The following KHDRBS2 variants were observed in gnomAD, a reference collection of about 807,000 sequenced individuals.
The protein encoded by KHDRBS2 is KH RNA binding domain containing, signal transduction associated 2.
Under a neutral mutation model 44.3 loss-of-function variants are expected in KHDRBS2, and 26 were observed. That is an observed-to-expected ratio of 0.59 (90% CI 0.43 to 0.81). The LOEUF is 0.81. Among genes scored for constraint, KHDRBS2 ranks in the 40% least tolerant of loss-of-function variants. The pLI is 0.00. For synonymous variants in KHDRBS2, 194 were observed against 151.1 expected, an observed-to-expected ratio of 1.28 and a Z score of -2.08; for missense variants, 476 against 433.1, an observed-to-expected ratio of 1.10 and a Z score of -0.88.
At chr6:62,164,209 C>A (rs1047636350) in intron 2 of KHDRBS2, among the ~76,000 whole-genome samples, 3 of 151,708 alleles carry the variant, frequency 2.0e-5, no homozygotes, top group Non-Finnish European at 1.5e-5. Context: ...TGTAAACTTA[C>A]TAATGTTATT....
intron 2 of KHDRBS2, among the ~76,000 whole-genome samples, chr6:62,111,259 A>G (rs565909980): frequency 6.6e-6 from 1 of 152,272 alleles, no homozygotes; most frequent in South Asian, 2.1e-4. Flanking sequence ...TTAGACACAG[A>G]TAACAATATT....
chr6:61,753,147 CTCTT>C (rs1383206532), intron 6 of KHDRBS2, among the ~76,000 whole-genome samples: 2 of 152,064 alleles, frequency 1.3e-5, no homozygotes, highest in Admixed American at 1.3e-4. Context: ...ATTCGTGTTG[CTCTT>C]TCTTTCTCTC....
the KHDRBS2 span, among the ~76,000 whole-genome samples, chr6:61,573,340 C>G: frequency 1.3e-5 from 2 of 152,164 alleles, no homozygotes; most frequent in Non-Finnish European, 2.9e-5. Context: ...AATGGAAACA[C>G]ATTCCATGCT....
chr6:62,220,400 C>T (rs952042849), intron 1 of KHDRBS2, among the ~76,000 whole-genome samples: 1 of 151,682 alleles, frequency 6.6e-6, no homozygotes, highest in Non-Finnish European at 1.5e-5. Context: ...AAAACAGTAA[C>T]AATATTTTGG....
intron 6 of KHDRBS2, among the ~76,000 whole-genome samples, chr6:61,803,724 A>G (rs1786661327): frequency 6.6e-6 from 1 of 152,158 alleles, no homozygotes; most frequent in Admixed American, 6.6e-5. Context: ...TGGAGGCCTC[A>G]GGAAACTTAC....
intron 4 of KHDRBS2, among the ~76,000 whole-genome samples, chr6:61,966,015 T>C (rs1185733586): frequency 6.6e-6 from 1 of 152,050 alleles, no homozygotes; most frequent in African/African-American, 2.4e-5. Context: ...CTATTATTCA[T>C]AGTGTACCTC....
At chr6:62,053,677 T>C (rs1667530937) in intron 2 of KHDRBS2, among the ~76,000 whole-genome samples, 1 of 151,902 alleles carries the variant, frequency 6.6e-6, no homozygotes, top group Non-Finnish European at 1.5e-5. Context: ...ATTTACTGAT[T>C]TAAAAAATCT....
chr6:62,275,718 TC>T lies in KHDRBS2; in HGVS notation c.91+10139del, dbSNP rs1291945052. On this transcript the variant is annotated intron_variant, in intron 1 of 8. Transcript: ENST00000281156. ...TGCTATTCCCTTAAACAAGTTATGT[TC>T]TTTAATATTGTTTGATGTTTCAATG... is the stretch of plus-strand genomic sequence containing the variant. Among the ~76,000 whole-genome samples, 11 of 152,338 alleles carry T rather than the reference TC, an allele frequency of 7.2e-5. No individual in the cohort carries two copies. The East Asian group carries it at 2.1e-3, about 29-fold the overall frequency.
chr6:61,777,200 A>T (rs967857099), intron 6 of KHDRBS2, among the ~76,000 whole-genome samples: 3 of 152,100 alleles, frequency 2.0e-5, no homozygotes, highest in African/African-American at 7.2e-5. Context: ...ATGATGAGTT[A>T]ATGGGTGCAG....
chr6:62,039,538 T>C (rs1225424674), intron 3 of KHDRBS2, among the ~76,000 whole-genome samples: 2 of 151,996 alleles, frequency 1.3e-5, no homozygotes, highest in African/African-American at 4.8e-5. Flanking sequence ...ACAATCTGGT[T>C]AAAATAAATA....
intron 2 of KHDRBS2, among the ~76,000 whole-genome samples, chr6:62,131,292 G>T (rs963340566): frequency 2.6e-5 from 4 of 152,174 alleles, no homozygotes; most frequent in Non-Finnish European, 5.9e-5. Context: ...GTTAAGTGAA[G>T]AAATATTTCC....
intron 2 of KHDRBS2, among the ~76,000 whole-genome samples, chr6:62,091,647 C>T (rs979196280): frequency 1.3e-5 from 2 of 151,996 alleles, no homozygotes; most frequent in South Asian, 2.1e-4. Context: ...TGAAAAGATA[C>T]CACTTTTTCA....
chr6:61,697,473 A>C (rs764470011), intron 7 of KHDRBS2, among the ~76,000 whole-genome samples: 1 of 152,044 alleles, frequency 6.6e-6, no homozygotes, highest in African/African-American at 2.4e-5. Context: ...CTTTCTCTCT[A>C]TCCACCAATT....
At chr6:62,002,569 T>C (rs1778455863) in intron 3 of KHDRBS2, among the ~76,000 whole-genome samples, 1 of 151,304 alleles carries the variant, frequency 6.6e-6, no homozygotes, top group African/African-American at 2.4e-5. Flanking sequence ...ACTATATTAC[T>C]CTTTTTAAAA....
chr6:62,221,029 A>AC (rs1004972950), intron 1 of KHDRBS2, among the ~76,000 whole-genome samples: 2 of 151,908 alleles, frequency 1.3e-5, no homozygotes, highest in African/African-American at 4.8e-5. Flanking sequence ...TGTTCATTGC[A>AC]CATTATTCAC....
At chr6:62,093,856 T>TTGTGTGTGTGTGTG (rs61194705) in intron 2 of KHDRBS2, among the ~76,000 whole-genome samples, 127 of 143,306 alleles carry the variant, frequency 8.9e-4, no homozygotes, top group Admixed American at 1.6e-3. Context: ...TTCCATTGTT[T>TTGTGTGTGTGTGTG]TGTGTGTGTG....
chr6:61,588,856 C>A, the KHDRBS2 span, among the ~76,000 whole-genome samples: 1 of 152,148 alleles, frequency 6.6e-6, no homozygotes. Flanking sequence ...GAAAATGTGG[C>A]ACATATAAAC....
At chr6:62,048,381 CGT>C (rs1788217561) in intron 2 of KHDRBS2, among the ~76,000 whole-genome samples, 1 of 151,812 alleles carries the variant, frequency 6.6e-6, no homozygotes, top group South Asian at 2.1e-4. Context: ...ATGATTTTAA[CGT>C]AAGTCTATGA....
the KHDRBS2 span, among the ~76,000 whole-genome samples, chr6:61,606,677 A>T: frequency 6.6e-6 from 1 of 152,208 alleles, no homozygotes; most frequent in Non-Finnish European, 1.5e-5. Context: ...TGTTATGCAG[A>T]TGTAACCTCA....
Sources: gnomAD v4.1 joint callset for allele counts (sites outside exome capture counted in the v4.1 genomes callset) on GRCh38, gnomAD v4.1.1 for gene constraint, MANE v1.5 for transcripts, NCBI Gene and HGNC (gene_info 2026-07-23, HGNC 2026-07-21) for gene names.